The following ARHGAP25 variants were observed in gnomAD, a reference collection of about 807,000 sequenced individuals.
ARHGAP25 encodes rho GTPase-activating protein 25.
Under a neutral mutation model 71.0 loss-of-function variants are expected in ARHGAP25, and 34 were observed. The observed-to-expected ratio is 0.48, with a 90% CI of 0.36 to 0.64. The LOEUF (loss-of-function observed/expected upper bound fraction) is 0.64. ARHGAP25 is among the 30% of genes least tolerant of loss of function. The pLI is 0.00. For missense variants in ARHGAP25, 706 were observed against 805.1 expected (o/e 0.88, Z 1.49); for synonymous variants, 282 against 296.5 (o/e 0.95, Z 0.50).
chr2:68,822,672 G>A lies in ARHGAP25; in HGVS notation c.1533G>A (p.Gly511=). Residue 511 remains glycine (G), a synonymous_variant, in exon 10 of 11, where the codon GGG becomes GGA. Coordinates refer to ENST00000409202, the MANE Select transcript of ARHGAP25 (RefSeq NM_001007231.3). ...ACGATAACGTCCCTTCCCTGCCAGG[G>A]TCCCCTGGGGAGGAAGCCAGTGCAC... is the stretch of plus-strand genomic sequence containing the variant. ...STYDNVPSLP[G]SPGEEASALS... is the part of the protein sequence containing the mutation. The A allele has an allele frequency of 6.2e-7, 1 of 1,614,124 alleles. No homozygotes were observed. Among genetic ancestry groups the A allele is most frequent in the Non-Finnish European group, 8.5e-7 (1 of 1,180,030 alleles).
At chr2:68,713,757 T>A (rs1015386255) in intron 2 of ARHGAP25, among the ~76,000 whole-genome samples, 5 of 152,210 alleles carry the variant, frequency 3.3e-5, no homozygotes, top group Admixed American at 1.3e-4. Flanking sequence ...GAGATGATCA[T>A]GTGGTTTTTG....
At chr2:68,741,411 CT>C (rs1675516396) in intron 1 of ARHGAP25, among the ~76,000 whole-genome samples, 1 of 152,206 alleles carries the variant, frequency 6.6e-6, no homozygotes, top group Non-Finnish European at 1.5e-5. Context: ...AGGAGTGCAA[CT>C]TACTGTGTTC....
At chr2:68,780,444 AG>A (rs1678243083) in intron 2 of ARHGAP25, among the ~76,000 whole-genome samples, 1 of 152,162 alleles carries the variant, frequency 6.6e-6, no homozygotes. Context: ...GCACAACCTC[AG>A]GGTCATTTTT....
At chr2:68,818,473 A>T (rs1408959490) in intron 8 of ARHGAP25, among the ~76,000 whole-genome samples, 1 of 152,140 alleles carries the variant, frequency 6.6e-6, no homozygotes, top group Non-Finnish European at 1.5e-5. Flanking sequence ...GACTACAGGC[A>T]TAAACCCCCA....
chr2:68,818,162 C>A (rs1681368109), intron 8 of ARHGAP25, among the ~76,000 whole-genome samples, 168 bp downstream of exon 8: 2 of 152,188 alleles, frequency 1.3e-5, no homozygotes, highest in Admixed American at 1.3e-4. Flanking sequence ...GAATTGTGTC[C>A]ATTTTTCAGA....
intron 4 of ARHGAP25, among the ~76,000 whole-genome samples, chr2:68,803,141 T>C (rs1045498154): frequency 6.6e-6 from 1 of 152,128 alleles, no homozygotes; most frequent in African/African-American, 2.4e-5. Context: ...AAAAGAAGCC[T>C]GAGTTGGAAT....
Position 68,822,579 on chromosome 2 carries a change from G to C in ARHGAP25, c.1440G>C (p.Gly480=). ...FWSPSSEAKA[G]EGHRRTMSQD... is the part of the protein sequence containing the mutation. ...CGCCTTCCTCAGAGGCTAAGGCAGG[G>C]GAAGGGCACAGGAGAACGATGTCTC... is the stretch of plus-strand genomic sequence containing the variant. Residue 480 remains glycine, a synonymous_variant, in exon 10 of 11, where the codon GGG becomes GGC. Transcript: ENST00000409202. The C allele has an allele frequency of 6.2e-7, 1 of 1,614,176 alleles. No homozygotes were observed. The highest frequency in any genetic ancestry group is 8.5e-7 in the Non-Finnish European group (1 of 1,180,046).
intron 2 of ARHGAP25, among the ~76,000 whole-genome samples, chr2:68,717,847 T>C (rs750395230): frequency 1.3e-5 from 2 of 152,218 alleles, no homozygotes; most frequent in African/African-American, 4.8e-5. Flanking sequence ...TTTTTGCCAA[T>C]ATAAATTTAT....
chr2:68,747,509 CCTCT>C (rs747420052), intron 1 of ARHGAP25, among the ~76,000 whole-genome samples: 53 of 152,310 alleles, frequency 3.5e-4, no homozygotes, highest in Admixed American at 1.0e-3. Context: ...AGTCCCCCGT[CCTCT>C]TCCGTTTATC....
intron 2 of ARHGAP25, among the ~76,000 whole-genome samples, chr2:68,722,372 G>A (rs192507217): frequency 9.2e-5 from 14 of 152,104 alleles, no homozygotes; most frequent in Non-Finnish European, 2.1e-4. Flanking sequence ...GAGGTCAGGG[G>A]TTCAAGACCA....
chr2:68,778,615 CTGA>C (rs1678095169), intron 2 of ARHGAP25, among the ~76,000 whole-genome samples: 1 of 152,198 alleles, frequency 6.6e-6, no homozygotes, highest in Non-Finnish European at 1.5e-5. Flanking sequence ...CTCACATACA[CTGA>C]TGATGTGTGT....
chr2:68,713,407 A>G (rs1027813281), intron 2 of ARHGAP25, among the ~76,000 whole-genome samples: 3 of 152,206 alleles, frequency 2.0e-5, no homozygotes, highest in African/African-American at 7.2e-5. Context: ...TTTGGGGCTG[A>G]GACGATGGGG....
chr2:68,722,956 C>T (rs1454842716), intron 2 of ARHGAP25, among the ~76,000 whole-genome samples: 2 of 152,196 alleles, frequency 1.3e-5, no homozygotes, highest in Non-Finnish European at 2.9e-5. Flanking sequence ...GCTGGAAACA[C>T]GTGGGCCTGT....
chr2:68,775,457 G>A (rs769972517), intron 2 of ARHGAP25, 37 bp downstream of exon 2: 3 of 1,613,096 alleles, frequency 1.9e-6, no homozygotes, highest in East Asian at 4.5e-5. Flanking sequence ...CATAAGGCAC[G>A]GAGGAGGCGG....
chr2:68,768,658 T>C (rs1221915017), intron 1 of ARHGAP25, among the ~76,000 whole-genome samples: 1 of 152,220 alleles, frequency 6.6e-6, no homozygotes, highest in Non-Finnish European at 1.5e-5. Context: ...CAAATAACTT[T>C]TCTGGTCTGA....
chr2:68,810,168 A>T (rs886095961), intron 5 of ARHGAP25, among the ~76,000 whole-genome samples: 1 of 151,426 alleles, frequency 6.6e-6, no homozygotes. Flanking sequence ...AGGGTGCTCT[A>T]TTGGGTTAGA....
chr2:68,814,320 C>G (rs542421821), intron 6 of ARHGAP25, among the ~76,000 whole-genome samples: 1 of 152,306 alleles, frequency 6.6e-6, no homozygotes, highest in East Asian at 1.9e-4. Context: ...TATATCTGCA[C>G]CGTTCAATAT....
At chr2:68,802,823 A>G (rs1680093700) in intron 4 of ARHGAP25, among the ~76,000 whole-genome samples, 1 of 151,970 alleles carries the variant, frequency 6.6e-6, no homozygotes, top group African/African-American at 2.4e-5. Context: ...AGAAAAGCAA[A>G]TGTTGGTCAT....
At position 68,735,042 on chromosome 2, in the gene ARHGAP25, T is replaced by C. The variant is rs188905454; in HGVS notation, c.-158T>C. The C allele has an allele frequency of 2.8e-4, 190 of 688,422 alleles. No individual in the cohort carries two copies. The African/African-American group carries it at 2.9e-3, about 10-fold the overall frequency. 42.6% of individuals were successfully genotyped at this position (688,422 alleles called of 1,614,324 possible). On this transcript the variant is annotated 5_prime_UTR_variant, in exon 1 of 11. Transcript: ENST00000409202. ...CATCTAAGAGAAAGGAGGAGACACG[T>C]TGGCAAATCAGCCTCAAGCCTAAGA... is the stretch of plus-strand genomic sequence containing the variant.
Sources: allele counts gnomAD v4.1 joint callset (sites outside exome capture counted in the v4.1 genomes callset), GRCh38; gene constraint gnomAD v4.1.1; transcripts MANE v1.5; gene names NCBI Gene and HGNC (gene_info 2026-07-23, HGNC 2026-07-21).